Variants in EVL observed in about 807,000 individuals in gnomAD.
The protein encoded by EVL is ena/VASP-like protein.
EVL carries 21 observed loss-of-function variants against 59.6 expected under a neutral mutation model. The ratio of observed to expected loss-of-function variants is 0.35; its 90% CI spans 0.25 to 0.51. EVL has a LOEUF of 0.51. Among genes scored for constraint, EVL ranks in the 20% least tolerant of loss-of-function variants. EVL has a pLI of 0.97. For missense variants in EVL, 462 were observed against 546.6 expected (o/e 0.85, Z 1.54); for synonymous variants, 198 against 203.5 (o/e 0.97, Z 0.23).
At chr14:100,137,258 G>C in intron 9 of EVL, 1 of 424,864 alleles carries the variant, frequency 2.4e-6, no homozygotes, top group Non-Finnish European at 4.4e-6. Context: ...GCAAGGCTGT[G>C]CTGGGATGTC....
chr14:100,005,192 G>A (rs916801592), intron 1 of EVL, among the ~76,000 whole-genome samples: 1 of 152,158 alleles, frequency 6.6e-6, no homozygotes, highest in African/African-American at 2.4e-5. Context: ...ACTAACTTTG[G>A]GAGGAACTTA....
At chr14:100,071,795 T>C (rs949398088) in intron 1 of EVL, among the ~76,000 whole-genome samples, 2 of 152,296 alleles carry the variant, frequency 1.3e-5, no homozygotes, top group Middle Eastern at 3.4e-3. Context: ...CAGGCGTCAC[T>C]TGAACTAAAC....
intron 1 of EVL, among the ~76,000 whole-genome samples, chr14:100,052,147 A>G (rs1176107162): frequency 6.6e-6 from 1 of 152,206 alleles, no homozygotes; most frequent in Non-Finnish European, 1.5e-5. Context: ...TTTTAAAACT[A>G]AGAATCCCGA....
intron 9 of EVL, chr14:100,137,308 T>TG: frequency 1.9e-6 from 1 of 524,840 alleles, no homozygotes. Flanking sequence ...CTCTAGTCAC[T>TG]GGGTCCCTTA....
In EVL at chr14:100,129,587, A is replaced by G. The variant is rs140562245; in HGVS notation, c.742A>G (p.Ser248Gly). 418 of 1,613,606 alleles carry G rather than the reference A, an allele frequency of 2.6e-4. No individual in the cohort carries two copies. Among genetic ancestry groups the G allele is most frequent in the Non-Finnish European group, 2.6e-4 (307 of 1,179,962 alleles). ...QRPEDASGGSSPSGTSKSDAN... is the reference protein window; with the variant it reads ...QRPEDASGGSGPSGTSKSDAN... ...GCCAGAAGACGCATCTGGAGGCTCC[A>G]GTCCCAGTGGGACCTCAAAGTCCGA... is the stretch of plus-strand genomic sequence containing the variant. Residue 248 changes from serine (S) to glycine (G), a missense_variant, in exon 7 of 14, where the codon AGT (serine) becomes GGT (glycine). By Grantham distance (56) the Ser-to-Gly change is moderately conservative. Coordinates refer to ENST00000392920, the MANE Select transcript of EVL (RefSeq NM_016337.3).
intron 2 of EVL, among the ~76,000 whole-genome samples, chr14:100,089,628 C>G (rs551441106): frequency 1.3e-5 from 2 of 152,204 alleles, no homozygotes; most frequent in Non-Finnish European, 2.9e-5. Flanking sequence ...GCAGCTAGAA[C>G]AGTACATATG....
chr14:99,972,480 C>T lies in EVL; in HGVS notation c.5+423C>T, dbSNP rs2060740800. 6.6e-6 allele frequency among the ~76,000 whole-genome samples: 1 copy of T among 152,128 alleles called. No homozygotes were observed. The highest frequency in any genetic ancestry group is 2.4e-5 in the African/African-American group (1 of 41,416). The stretch of plus-strand genomic sequence containing the variant: ...CAGCCCGGAGGAGGCTGGCCTGAAG[C>T]CCCCAGGCGTTGCCGAAGCCTCCCC... On this transcript the variant is annotated intron_variant, in intron 1 of 13. Coordinates refer to the EVL transcript ENST00000402714. The surrounding 1 kb of genome is among the most constrained non-coding windows in gnomAD (Gnocchi z 4.4).
At chr14:100,040,251 T>C (rs1159333418) in intron 1 of EVL, among the ~76,000 whole-genome samples, 1 of 152,216 alleles carries the variant, frequency 6.6e-6, no homozygotes, top group East Asian at 1.9e-4. Context: ...TCCTCCTTTC[T>C]TTATGCATTT....
At chr14:100,121,016 T>C (rs1887661555) in intron 3 of EVL, among the ~76,000 whole-genome samples, 1 of 152,178 alleles carries the variant, frequency 6.6e-6, no homozygotes, top group South Asian at 2.1e-4. Flanking sequence ...TCCTGTGGAA[T>C]CCAAGCTCAG....
chr14:100,123,553 C>T lies in EVL; in HGVS notation c.373C>T (p.Arg125Cys), dbSNP rs777224469. 3.1e-6 allele frequency: 5 copies of T among 1,614,132 alleles called. No individual in the cohort carries two copies. The highest frequency in any genetic ancestry group is 1.1e-5 in the South Asian group (1 of 91,072). ...NSQEGGPSSQRQVQNGPSPDE... is the reference protein window; with the variant it reads ...NSQEGGPSSQCQVQNGPSPDE... ...TCTGCCCACAGGCCCCTCCAGCCAG[C>T]GTCAGGTGCAGAATGGCCCCTCTCC... The change falls in exon 4 of 14, where the codon CGT becomes TGT. Residue 125 changes from arginine (R) to cysteine (C), a missense_variant. Coordinates refer to ENST00000392920, the MANE Select transcript of EVL (RefSeq NM_016337.3).
chr14:99,992,578 T>C (rs916991941), intron 1 of EVL, among the ~76,000 whole-genome samples: 1 of 152,240 alleles, frequency 6.6e-6, no homozygotes, highest in Non-Finnish European at 1.5e-5. Flanking sequence ...TTTAGGTCTT[T>C]AATCCATTTT....
rs1886852348 is a variant in EVL, at chr14:100,109,960, C to G, written c.358+12302C>G. ...TTCGCCATCTGTGAAATGGCTGAAT[C>G]AGACTCACCTCACAGGGTTGTTGTG... On this transcript the variant is annotated intron_variant, in intron 3 of 13. Coordinates refer to ENST00000392920, the MANE Select transcript of EVL (RefSeq NM_016337.3). This position sits in a 1 kb window ranked among gnomAD's most constrained non-coding sequence, Gnocchi z 4.3. Among the ~76,000 whole-genome samples, 1 of 152,234 alleles carries G rather than the reference C, an allele frequency of 6.6e-6. No individual in the cohort carries two copies. The highest frequency in any genetic ancestry group is 2.1e-4 in the South Asian group (1 of 4,834).
intron 3 of EVL, among the ~76,000 whole-genome samples, chr14:100,105,846 A>C (rs1457806701): frequency 6.6e-6 from 1 of 152,088 alleles, no homozygotes; most frequent in Non-Finnish European, 1.5e-5. Flanking sequence ...GCCACATCCC[A>C]ACTGAATAGG....
chr14:100,071,113 C>T (rs1444099200), intron 1 of EVL, among the ~76,000 whole-genome samples: 2 of 152,048 alleles, frequency 1.3e-5, no homozygotes, highest in Non-Finnish European at 2.9e-5. Context: ...AGGGTGACAT[C>T]CAAGGAGAAA....
chr14:100,073,183 C>T (rs1453019682), intron 1 of EVL, among the ~76,000 whole-genome samples: 2 of 152,022 alleles, frequency 1.3e-5, no homozygotes, highest in Non-Finnish European at 2.9e-5. Flanking sequence ...GACACTCTTC[C>T]CTCTGCTTGA....
chr14:100,006,258 C>A (rs1190999), intron 1 of EVL, among the ~76,000 whole-genome samples: 54,288 of 149,554 alleles, frequency 0.36, 13,586 homozygotes, highest in African/African-American at 0.71. Context: ...TGGTAAGGAG[C>A]AAATAAAACC....
rs534261925 is a variant in EVL at position 100,125,006 on chromosome 14, A to G, written c.422+1404A>G. 3.6e-4 allele frequency among the ~76,000 whole-genome samples: 54 copies of G among 151,830 alleles called. 1 individual carries two copies. The highest frequency in any genetic ancestry group is 2.3e-3 in the East Asian group (12 of 5,166). ...GCAAGACGAGACCACACACATGCGCACACACACACACCTGCCCCAAGATGA... is the reference window on the plus strand; with the variant it reads ...GCAAGACGAGACCACACACATGCGCGCACACACACACCTGCCCCAAGATGA... On this transcript the variant is annotated intron_variant, in intron 4 of 13. Coordinates refer to ENST00000392920, the MANE Select transcript of EVL (RefSeq NM_016337.3).
chr14:100,006,647 TG>T (rs1280826579), intron 1 of EVL, among the ~76,000 whole-genome samples: 2 of 151,954 alleles, frequency 1.3e-5, no homozygotes, highest in African/African-American at 4.8e-5. Flanking sequence ...GGCCTATGGA[TG>T]GGTCTCAGTC....
intron 13 of EVL, 103 bp from the exon 14 acceptor site, chr14:100,143,598 G>A (rs1006130913): frequency 1.4e-6 from 2 of 1,408,244 alleles, no homozygotes; most frequent in Non-Finnish European, 2.0e-6. Flanking sequence ...GATGGAACAG[G>A]GACACATACC....
Sources: allele counts gnomAD v4.1 joint callset (sites outside exome capture counted in the v4.1 genomes callset), GRCh38; gene constraint gnomAD v4.1.1; non-coding constraint Gnocchi (gnomAD v3.1); transcripts MANE v1.5; gene names NCBI Gene and HGNC (gene_info 2026-07-23, HGNC 2026-07-21).